The following DMD variants were observed in gnomAD, a reference collection of about 807,000 sequenced individuals.
DMD encodes the protein dystrophin.
In DMD, 63 loss-of-function variants were observed where a neutral mutation model predicts 330.1. The observed-to-expected ratio is 0.19, with a 90% confidence interval of 0.16 to 0.24. The LOEUF (loss-of-function observed/expected upper bound fraction) is 0.24. Among genes scored for constraint, DMD ranks in the 10% least tolerant of loss-of-function variants. The pLI is 1.00. For synonymous variants in DMD, 1,223 were observed against 959.8 expected (o/e 1.27, Z -5.07); for missense variants, 3,344 against 2,684.1 (o/e 1.25, Z -5.43).
chrX:32,543,703 C>A (rs1458221961), intron 17 of DMD, among the ~76,000 whole-genome samples: 1 of 111,910 alleles, frequency 8.9e-6, no homozygotes, highest in African/African-American at 3.2e-5. Flanking sequence ...TTTTCTATTA[C>A]CATCGTGAGT....
chrX:31,760,259 A>G (rs933104703), intron 51 of DMD, among the ~76,000 whole-genome samples: 2 of 112,022 alleles, frequency 1.8e-5, no homozygotes, highest in South Asian at 3.7e-4. Context: ...ATATTTTTTA[A>G]CCACTTTATT....
At chrX:33,122,815 T>A (rs1289302169) in intron 1 of DMD, among the ~76,000 whole-genome samples, 9 of 111,670 alleles carry the variant, frequency 8.1e-5, no homozygotes, top group African/African-American at 2.9e-4. Context: ...TTTCTCTCCC[T>A]CTCTCAACTG....
chrX:32,135,920 C>A (rs1212125022), intron 44 of DMD, among the ~76,000 whole-genome samples: 1 of 111,274 alleles, frequency 9.0e-6, no homozygotes. Flanking sequence ...TAGTCATTAA[C>A]CCTTCTGGAT....
chrX:31,972,504 A>T (rs1289557989), intron 44 of DMD, among the ~76,000 whole-genome samples: 1 of 111,906 alleles, frequency 8.9e-6, no homozygotes, highest in African/African-American at 3.2e-5. Context: ...GCTAAGAAGC[A>T]GTTATAAGAA....
chrX:32,537,441 G>A (rs1467245294), intron 17 of DMD, among the ~76,000 whole-genome samples: 1 of 111,540 alleles, frequency 9.0e-6, no homozygotes. Flanking sequence ...AGAAGACAGG[G>A]AAGATATACT....
chrX:31,421,418 A>C (rs1046669492), intron 60 of DMD, among the ~76,000 whole-genome samples: 5 of 111,694 alleles, frequency 4.5e-5, no homozygotes, highest in Non-Finnish European at 9.4e-5. Flanking sequence ...ATTTTATTCT[A>C]GGTGAATTTT....
intron 71 of DMD, among the ~76,000 whole-genome samples, chrX:31,173,952 C>A (rs2040260169): frequency 2.7e-5 from 3 of 110,847 alleles, no homozygotes; most frequent in Non-Finnish European, 3.8e-5. Flanking sequence ...TTGTGTTAGC[C>A]CTATGTGGTT....
chrX:32,560,670 A>T (rs1455337639), intron 16 of DMD, among the ~76,000 whole-genome samples: 2 of 111,437 alleles, frequency 1.8e-5, no homozygotes, highest in Non-Finnish European at 3.8e-5. Flanking sequence ...GCTCCTACTT[A>T]TAAGTGAGAA....
intron 1 of DMD, among the ~76,000 whole-genome samples, chrX:33,111,599 C>T (rs2179815): frequency 0.45 from 49,444 of 110,232 alleles, 8,500 homozygotes; most frequent in Non-Finnish European, 0.53. Flanking sequence ...TCTTAATGTG[C>T]GTGTGTGTTT....
intron 44 of DMD, among the ~76,000 whole-genome samples, chrX:32,024,569 G>A (rs1983588945): frequency 9.1e-6 from 1 of 110,258 alleles, no homozygotes; most frequent in African/African-American, 3.3e-5. Flanking sequence ...CTCTAGGATA[G>A]GCAGCATAAC....
intron 60 of DMD, among the ~76,000 whole-genome samples, chrX:31,389,532 A>G (rs776088369): frequency 8.9e-6 from 1 of 112,245 alleles, no homozygotes; most frequent in South Asian, 3.7e-4. Context: ...AAGGAATAAG[A>G]TAAAGATGCC....
chrX:32,589,847 C>A (rs1414835715), intron 13 of DMD, among the ~76,000 whole-genome samples: 1 of 111,495 alleles, frequency 9.0e-6, no homozygotes, highest in African/African-American at 3.3e-5. Context: ...ACACTTTACA[C>A]AGAGCCCCAG....
chrX:32,600,106 T>A (rs808528), intron 12 of DMD, among the ~76,000 whole-genome samples: 42,691 of 110,918 alleles, frequency 0.38, 7,476 homozygotes, highest in African/African-American at 0.69. Flanking sequence ...CTGACTTTTC[T>A]TGTACTTCTT....
intron 1 of DMD, among the ~76,000 whole-genome samples, chrX:33,328,559 T>C (rs1023754448): frequency 5.4e-5 from 6 of 111,552 alleles, no homozygotes; most frequent in African/African-American, 2.0e-4. Context: ...GATATTTTTG[T>C]TCACAAAATC....
At chrX:32,851,116 T>C (rs1466364180) in intron 2 of DMD, among the ~76,000 whole-genome samples, 1 of 111,512 alleles carries the variant, frequency 9.0e-6, no homozygotes, top group East Asian at 2.8e-4. Context: ...ATATAAACTT[T>C]GAATTTCACA....
chrX:32,747,461 T>A (rs1464716246), intron 7 of DMD, among the ~76,000 whole-genome samples: 2 of 110,837 alleles, frequency 1.8e-5, no homozygotes, highest in African/African-American at 6.6e-5. Flanking sequence ...GGGATCTGTG[T>A]TTTGCTGGGT....
chrX:31,523,582 C>T (rs1483111222), intron 55 of DMD, among the ~76,000 whole-genome samples: 3 of 112,251 alleles, frequency 2.7e-5, no homozygotes, highest in Non-Finnish European at 5.6e-5. Context: ...TTCACTCTAA[C>T]CACATTCAGA....
chrX:32,034,964 T>A (rs1191430986), intron 44 of DMD, among the ~76,000 whole-genome samples: 1 of 111,799 alleles, frequency 8.9e-6, no homozygotes, highest in African/African-American at 3.2e-5. Flanking sequence ...GTCAAAATAC[T>A]TTATTTGCTA....
chrX:31,282,484 G>T (rs1293824700), intron 62 of DMD, among the ~76,000 whole-genome samples: 1 of 110,470 alleles, frequency 9.1e-6, no homozygotes, highest in Non-Finnish European at 1.9e-5. Flanking sequence ...AATGCAAAAT[G>T]AAATGTGTTG....
Sources: allele counts gnomAD v4.1 joint callset (sites outside exome capture counted in the v4.1 genomes callset), GRCh38; gene constraint gnomAD v4.1.1; transcripts MANE v1.5; gene names NCBI Gene and HGNC (gene_info 2026-07-23, HGNC 2026-07-21).